Variants in WDR59 observed in about 807,000 individuals in gnomAD.
WDR59 encodes the protein WD repeat domain 59.
WDR59 carries 100 observed loss-of-function variants against 131.2 expected under a neutral mutation model. The ratio of observed to expected loss-of-function variants is 0.76; its 90% confidence interval spans 0.65 to 0.90. The LOEUF (loss-of-function observed/expected upper bound fraction) is 0.90, where lower values mean the gene tolerates loss of function less well. Among genes scored for constraint, WDR59 ranks in the 40% least tolerant of loss-of-function variants. The pLI is 0.00. For missense variants in WDR59, 1,203 were observed against 1,262.2 expected (o/e 0.95, Z 0.71); for synonymous variants, 601 against 466.2 (o/e 1.29, Z -3.72).
intron 8 of WDR59, among the ~76,000 whole-genome samples, chr16:74,928,846 C>T (rs1428608418): frequency 6.6e-6 from 1 of 152,102 alleles, no homozygotes; most frequent in Middle Eastern, 3.4e-3. Flanking sequence ...GAGGTGGAGG[C>T]TGCAGTGAGC....
intron 1 of WDR59, among the ~76,000 whole-genome samples, chr16:74,971,873 T>A (rs1223208589): frequency 6.6e-6 from 1 of 152,084 alleles, no homozygotes; most frequent in Admixed American, 6.6e-5. Flanking sequence ...CACACCCGGC[T>A]AATTTTAAAA....
intron 2 of WDR59, among the ~76,000 whole-genome samples, chr16:74,963,841 G>A (rs2033660086): frequency 6.6e-6 from 1 of 151,846 alleles, no homozygotes; most frequent in Admixed American, 6.6e-5. Context: ...AGGCTGCAGT[G>A]AGCCGAGATC....
chr16:74,895,572 C>T (rs548124343), intron 18 of WDR59, among the ~76,000 whole-genome samples: 1 of 152,252 alleles, frequency 6.6e-6, no homozygotes, highest in African/African-American at 2.4e-5. Flanking sequence ...CCCATTTGAT[C>T]TTAAGAAGCA....
chr16:74,955,549 G>C (rs549497081), intron 3 of WDR59, among the ~76,000 whole-genome samples: 105 of 152,282 alleles, frequency 6.9e-4, no homozygotes, highest in African/African-American at 2.5e-3. Flanking sequence ...TTCTCTTTGA[G>C]AATAGCCCTG....
rs1296936651 is a variant in WDR59 at position 74,984,880 on chromosome 16, C to T, written c.54+84G>A. ...TACGGGGCCTAGGGTCTCCCCGTAG[C>T]CCCCCGGGACGGAAGCAGCCGCGTG... On this transcript the variant is annotated intron_variant, in intron 1 of 25. Coordinates refer to ENST00000262144, the MANE Select transcript of WDR59 (RefSeq NM_030581.4). 6 of 1,543,234 alleles carry T rather than the reference C, an allele frequency of 3.9e-6. No homozygotes were observed. The East Asian group carries it at 1.2e-4, about 31-fold the overall frequency.
Position 74,956,579 on chromosome 16 carries a change from C to A in WDR59, c.136G>T (p.Ala46Ser). The A allele has an allele frequency of 1.2e-6, 2 of 1,614,052 alleles. No individual in the cohort carries two copies. The highest frequency in any genetic ancestry group is 1.1e-5 in the South Asian group (1 of 91,076). Residue 46 changes from alanine (A) to serine (S), a missense_variant, in exon 3 of 26, where the codon GCC becomes TCC. By Grantham distance (99) the Ala-to-Ser change is moderately conservative. Transcript: ENST00000262144. Reference sequence around the variant, plus strand: ...ATCTTTCGGTGACCTTCGAAAGGGGCATCTAGATTGACGATGTATAAGAAT... The same window carrying A: ...ATCTTTCGGTGACCTTCGAAAGGGGAATCTAGATTGACGATGTATAAGAAT... ...RRFLYIVNLDAPFEGHRKISR... is the reference protein window; with the variant it reads ...RRFLYIVNLDSPFEGHRKISR...
At chr16:74,978,513 A>G (rs143080135) in intron 1 of WDR59, among the ~76,000 whole-genome samples, 1 of 152,102 alleles carries the variant, frequency 6.6e-6, no homozygotes, top group Non-Finnish European at 1.5e-5. Context: ...AACAAAACAA[A>G]ACAAAAATGA....
At chr16:74,914,085 G>A (rs143152236) in intron 13 of WDR59, among the ~76,000 whole-genome samples, 159 of 152,204 alleles carry the variant, frequency 1.0e-3, no homozygotes, top group African/African-American at 3.6e-3. Flanking sequence ...GGTGGCGTGC[G>A]CCCATAATCC....
chr16:74,978,343 AG>A (rs1376160906), intron 1 of WDR59, among the ~76,000 whole-genome samples: 75 of 150,720 alleles, frequency 5.0e-4, no homozygotes, highest in Admixed American at 1.3e-3. Context: ...AAAAAAAAAA[AG>A]AGCCAGGCCT....
chr16:74,965,913 C>A, intron 1 of WDR59, 91 bp from the exon 2 acceptor site: 1 of 1,373,140 alleles, frequency 7.3e-7, no homozygotes, highest in South Asian at 1.2e-5. Context: ...TTCCTGTCTC[C>A]CAAGAAGTCC....
chr16:74,982,399 A>G (rs2034462662), intron 1 of WDR59, among the ~76,000 whole-genome samples: 1 of 152,072 alleles, frequency 6.6e-6, no homozygotes, highest in Non-Finnish European at 1.5e-5. Flanking sequence ...AAATTACCCA[A>G]TTTACTTTGT....
chr16:74,887,505 C>T (rs962449096), intron 23 of WDR59, among the ~76,000 whole-genome samples, 178 bp downstream of exon 23: 34 of 152,136 alleles, frequency 2.2e-4, no homozygotes, highest in Non-Finnish European at 7.3e-5. Context: ...ACCCCCAGAA[C>T]GTGGTCTGTT....
intron 8 of WDR59, among the ~76,000 whole-genome samples, chr16:74,930,575 T>G (rs1250973015): frequency 6.6e-6 from 1 of 152,040 alleles, no homozygotes; most frequent in Non-Finnish European, 1.5e-5. Context: ...TTATGAAAGT[T>G]TTTTTTAATT....
chr16:74,963,587 TG>T (rs898312243), intron 2 of WDR59, among the ~76,000 whole-genome samples: 2 of 141,884 alleles, frequency 1.4e-5, no homozygotes, highest in African/African-American at 5.4e-5. Context: ...TGGGACTTGT[TG>T]GGGGGCCAGG....
chr16:74,905,356 C>T (rs772244219), intron 17 of WDR59, among the ~76,000 whole-genome samples: 2 of 151,182 alleles, frequency 1.3e-5, no homozygotes, highest in Non-Finnish European at 2.9e-5. Flanking sequence ...GCCTGGGCAA[C>T]AAGAGCGAAA....
intron 25 of WDR59, among the ~76,000 whole-genome samples, chr16:74,875,775 C>A (rs1364640604): frequency 6.6e-6 from 1 of 152,184 alleles, no homozygotes; most frequent in African/African-American, 2.4e-5. Context: ...AAACCTCTAC[C>A]CTGGATGACC....
chr16:74,906,239 G>A lies in WDR59; in HGVS notation c.1713-2139C>T, dbSNP rs145420811. On this transcript the variant is annotated intron_variant, in intron 17 of 25. Transcript: ENST00000262144. The stretch of plus-strand genomic sequence containing the variant: ...TGAGGCAGGAGAATGGCGTGAACCC[G>A]GGAGGCGGAGCTTGCAGTGAGCTGA... Among the ~76,000 whole-genome samples, 997 of 138,752 alleles carry A rather than the reference G, an allele frequency of 7.2e-3. 11 individuals carry two copies. The highest frequency in any genetic ancestry group is 0.025 in the African/African-American group (934 of 37,784). The allele number at this position is 138,752 out of a possible 152,430, so 91.0% of individuals were successfully genotyped here.
intron 16 of WDR59, 116 bp from the exon 17 acceptor site, chr16:74,909,093 T>C: frequency 3.4e-6 from 3 of 870,498 alleles, no homozygotes; most frequent in Non-Finnish European, 5.5e-6. Context: ...TAAGACACAT[T>C]TTCATAAGCT....
chr16:74,970,485 ACT>A (rs1489361739), intron 1 of WDR59, among the ~76,000 whole-genome samples: 3 of 116,368 alleles, frequency 2.6e-5, no homozygotes, highest in South Asian at 3.2e-4. Flanking sequence ...ACAGAGAGAG[ACT>A]CTGTCTCCAA....
Sources: gnomAD v4.1 joint callset for allele counts (sites outside exome capture counted in the v4.1 genomes callset) on GRCh38, gnomAD v4.1.1 for gene constraint, MANE v1.5 for transcripts, NCBI Gene and HGNC (gene_info 2026-07-23, HGNC 2026-07-21) for gene names.